HFM1: variants seen among roughly 807,000 people sequenced by gnomAD.
The protein encoded by HFM1 is helicase for meiosis 1, also known as probable ATP-dependent DNA helicase HFM1.
Under a neutral mutation model 192.1 loss-of-function variants are expected in HFM1, and 169 were observed. That is an observed-to-expected ratio of 0.88 (90% CI 0.78 to 1.00). The LOEUF (loss-of-function observed/expected upper bound fraction) is 1.00, where lower values mean the gene tolerates loss of function less well. HFM1 is among the 50% of genes least tolerant of loss of function. HFM1 has a pLI of 0.00. For missense variants in HFM1, 1,661 were observed against 1,668.0 expected (o/e 1.00, Z 0.07); for synonymous variants, 525 against 537.8 (o/e 0.98, Z 0.33).
At chr1:91,330,421 T>A (rs1283558875) in intron 20 of HFM1, among the ~76,000 whole-genome samples, 1 of 152,102 alleles carries the variant, frequency 6.6e-6, no homozygotes, top group Non-Finnish European at 1.5e-5. Context: ...AACAAATTCC[T>A]AGACACATAC....
Position 91,394,521 on chromosome 1 carries a change from T to C in HFM1, c.185-119A>G. On this transcript the variant is annotated intron_variant, in intron 3 of 38. Transcript: ENST00000370425. ...AGTATGAAAGCCAAAAGCAAAGCACTAGTAATAAGCTCATCTGTAATACCA... is the reference window on the plus strand; with the variant it reads ...AGTATGAAAGCCAAAAGCAAAGCACCAGTAATAAGCTCATCTGTAATACCA... The C allele has an allele frequency of 4.8e-6, 3 of 628,250 alleles. No individual in the cohort carries two copies. The South Asian group carries it at 6.3e-5, about 13-fold the overall frequency. The allele number at this position is 628,250 out of a possible 1,614,324, so 38.9% of individuals were successfully genotyped here.
intron 30 of HFM1, among the ~76,000 whole-genome samples, chr1:91,283,827 A>G (rs2100843469): frequency 6.6e-6 from 1 of 152,332 alleles, no homozygotes; most frequent in East Asian, 1.9e-4. Flanking sequence ...AATAAATAAA[A>G]AATAGCAAGA....
rs1336582794 is a variant in HFM1 at position 91,394,419 on chromosome 1, T to G, written c.185-17A>C. The stretch of plus-strand genomic sequence containing the variant: ...TTTCCTGACCTACAAAAAAGGAATA[T>G]CTTAATTATTACATGTTCTCCATTA... On this transcript the variant is annotated splice_polypyrimidine_tract_variant and intron_variant, in intron 3 of 38. Transcript: ENST00000370425. 1 of 1,318,040 alleles carries G rather than the reference T, an allele frequency of 7.6e-7. No individual in the cohort carries two copies. The highest frequency in any genetic ancestry group is 1.4e-5 in the South Asian group (1 of 73,558). 81.6% of individuals were successfully genotyped at this position (1,318,040 alleles called of 1,614,324 possible).
Position 91,404,794 on chromosome 1 carries a change from T to A in HFM1, c.-28+4A>T, listed in dbSNP as rs1280801952. ...CCCGCGGGCGTCCGGGCCCCTCTCC[T>A]CACCTCCCTGCGGACAGCTCCTAGG... On this transcript the variant is annotated splice_donor_region_variant and intron_variant, in intron 1 of 38. Coordinates refer to ENST00000370425, the MANE Select transcript of HFM1 (RefSeq NM_001017975.6). 2.2e-6 allele frequency: 1 copy of A among 450,874 alleles called. No homozygotes were observed. Among genetic ancestry groups the A allele is most frequent in the Non-Finnish European group, 4.5e-6 (1 of 224,684 alleles). 27.9% of individuals were successfully genotyped at this position (450,874 alleles called of 1,614,324 possible).
chr1:91,385,869 C>T lies in HFM1; in HGVS notation c.495-35G>A, dbSNP rs541449725. The T allele has an allele frequency of 6.0e-5, 92 of 1,542,926 alleles. 1 individual carries two copies. In the South Asian group the frequency reaches 9.6e-4, roughly 16 times the overall value. ...AAAAAAAGACCCACATATTTTCTCA[C>T]GTGTAACACTTGCTTGGAATATGAA... On this transcript the variant is annotated intron_variant, in intron 4 of 38. Transcript: ENST00000370425.
At chr1:91,281,633 G>A (rs1291620240) in intron 30 of HFM1, among the ~76,000 whole-genome samples, 1 of 152,202 alleles carries the variant, frequency 6.6e-6, no homozygotes, top group Non-Finnish European at 1.5e-5. Flanking sequence ...ATCTTTGAAT[G>A]TATTAAGGCA....
chr1:91,337,827 T>A (rs1654803475), intron 20 of HFM1, among the ~76,000 whole-genome samples: 1 of 152,156 alleles, frequency 6.6e-6, no homozygotes, highest in Non-Finnish European at 1.5e-5. Context: ...GTCAGCACAC[T>A]TAACTCAGGC....
chr1:91,375,112 C>T (rs907007295), intron 13 of HFM1, among the ~76,000 whole-genome samples: 1 of 151,976 alleles, frequency 6.6e-6, no homozygotes, highest in Non-Finnish European at 1.5e-5. Context: ...ATAAAAGATG[C>T]TGGATTGAAA....
Position 91,394,194 on chromosome 1 carries a change from G to A in HFM1, c.393C>T (p.His131=). 1 of 1,604,154 alleles carries A rather than the reference G, an allele frequency of 6.2e-7. No individual in the cohort carries two copies. Among genetic ancestry groups the A allele is most frequent in the Non-Finnish European group, 8.5e-7 (1 of 1,171,092 alleles). ...LTYASQKYKN[H]IGTEIAPEKS... is the part of the protein sequence containing the mutation. ...TCTCAGGTGCTATCTCAGTGCCAAT[G>A]TGATTTTTATATTTCTGAGAAGCAT... Residue 131 remains histidine (H), a synonymous_variant, in exon 4 of 39, where the codon CAC becomes CAT. Transcript: ENST00000370425.
At chr1:91,300,501 A>T (rs1387590648) in intron 30 of HFM1, among the ~76,000 whole-genome samples, 2 of 152,128 alleles carry the variant, frequency 1.3e-5, no homozygotes, top group African/African-American at 4.8e-5. Context: ...TTTTAGACCA[A>T]TATCCCTGAT....
At chr1:91,267,651 A>G in intron 35 of HFM1, 94 bp downstream of exon 35, 1 of 611,840 alleles carries the variant, frequency 1.6e-6, no homozygotes. Context: ...ACAAGCACAC[A>G]CAACAAAGGC....
At chr1:91,361,510 T>C (rs556385136) in intron 13 of HFM1, among the ~76,000 whole-genome samples, 9 of 152,166 alleles carry the variant, frequency 5.9e-5, no homozygotes, top group African/African-American at 1.4e-4. Context: ...CAGGAAGAAA[T>C]TGAATCCCTG....
chr1:91,328,910 A>T, intron 20 of HFM1: 1 of 1,611,186 alleles, frequency 6.2e-7, no homozygotes. Flanking sequence ...TCCTGTGGCT[A>T]CCGAGGACAT....
intron 30 of HFM1, among the ~76,000 whole-genome samples, chr1:91,303,152 A>C (rs1471335324): frequency 6.6e-6 from 1 of 152,202 alleles, no homozygotes; most frequent in Non-Finnish European, 1.5e-5. Context: ...AAAACCCACC[A>C]TATAACTATT....
chr1:91,263,979 T>C (rs1665427336), intron 36 of HFM1, among the ~76,000 whole-genome samples: 1 of 152,238 alleles, frequency 6.6e-6, no homozygotes, highest in African/African-American at 2.4e-5. Context: ...TTTGCTTCTC[T>C]ACACCTACAG....
At chr1:91,377,334 A>G (rs1661023245) in intron 11 of HFM1, 1 of 152,010 alleles carries the variant, frequency 6.6e-6, no homozygotes, top group Non-Finnish European at 1.5e-5. Context: ...ATTGGAATAG[A>G]CAATATAGTG....
At position 91,289,354 on chromosome 1, in the gene HFM1, A is replaced by G. The variant is rs374317169; in HGVS notation, c.3392-12292T>C. Among the ~76,000 whole-genome samples, 4 of 140,914 alleles carry G rather than the reference A, an allele frequency of 2.8e-5. No individual in the cohort carries two copies. The East Asian group carries it at 6.5e-4, about 23-fold the overall frequency. 92.4% of individuals were successfully genotyped at this position (140,914 alleles called of 152,430 possible). On this transcript the variant is annotated intron_variant, in intron 30 of 38. Coordinates refer to ENST00000370425, the MANE Select transcript of HFM1 (RefSeq NM_001017975.6). ...CTTCCTAGACGGGATGACGGCCAGG[A>G]AGAGACGCTCCTCACTTCCCAGACT...
At chr1:91,347,598 A>C in intron 18 of HFM1, 122 bp from the exon 19 acceptor site, 1 of 485,570 alleles carries the variant, frequency 2.1e-6, no homozygotes, top group Non-Finnish European at 3.7e-6. Flanking sequence ...ATCTCAGCTG[A>C]TTGAGTTCAA....
upstream of HFM1, among the ~76,000 whole-genome samples, chr1:91,406,609 G>T (rs893252137): frequency 2.6e-5 from 4 of 152,164 alleles, no homozygotes; most frequent in African/African-American, 4.8e-5. Context: ...CATTTCTCAA[G>T]AAAACATTTT....
Sources: allele counts gnomAD v4.1 joint callset (sites outside exome capture counted in the v4.1 genomes callset), GRCh38; gene constraint gnomAD v4.1.1; transcripts MANE v1.5; gene names NCBI Gene and HGNC (gene_info 2026-07-23, HGNC 2026-07-21).